WWTR1: variants seen among roughly 807,000 people sequenced by gnomAD.
WWTR1 encodes WW domain containing transcription regulator 1, also known as WW domain-containing transcription regulator protein 1.
WWTR1 carries 13 observed loss-of-function variants against 40.1 expected under a neutral mutation model. The ratio of observed to expected loss-of-function variants is 0.32; its 90% CI spans 0.21 to 0.52. The LOEUF (loss-of-function observed/expected upper bound fraction) is 0.52. WWTR1 is among the 20% of genes least tolerant of loss of function. WWTR1 has a pLI of 0.97. For synonymous variants in WWTR1, 230 were observed against 210.1 expected, an observed-to-expected ratio of 1.09 and a Z score of -0.82; for missense variants, 436 against 523.1, an observed-to-expected ratio of 0.83 and a Z score of 1.63.
At chr3:149,680,755 T>C (rs756837303) in intron 1 of WWTR1, among the ~76,000 whole-genome samples, 3 of 152,052 alleles carry the variant, frequency 2.0e-5, no homozygotes, top group African/African-American at 2.4e-5. Context: ...GGTAGGAGGA[T>C]TGCTTGAGCC....
intron 1 of WWTR1, among the ~76,000 whole-genome samples, chr3:149,695,173 G>C (rs1304259633): frequency 1.3e-5 from 2 of 152,130 alleles, no homozygotes; most frequent in Non-Finnish European, 2.9e-5. Flanking sequence ...AGATAGTGAA[G>C]GTGGATGCAA....
intron 2 of WWTR1, among the ~76,000 whole-genome samples, chr3:149,628,310 C>T (rs369309176): frequency 6.6e-6 from 1 of 152,044 alleles, no homozygotes; most frequent in Non-Finnish European, 1.5e-5. Flanking sequence ...GCAGAGCTTG[C>T]GGTGGCCGAG....
At chr3:149,640,535 C>T (rs1399929448) in intron 2 of WWTR1, among the ~76,000 whole-genome samples, 2 of 152,150 alleles carry the variant, frequency 1.3e-5, no homozygotes, top group Non-Finnish European at 2.9e-5. Context: ...AATCTCCTGC[C>T]TCAGCCTCCT....
intron 2 of WWTR1, among the ~76,000 whole-genome samples, chr3:149,650,403 C>A (rs1467778860): frequency 2.0e-5 from 3 of 152,186 alleles, no homozygotes; most frequent in Non-Finnish European, 4.4e-5. Context: ...TTTAACCTCA[C>A]TGAGCCTCAG....
At chr3:149,558,925 G>A (rs62269314) in intron 3 of WWTR1, among the ~76,000 whole-genome samples, 59,468 of 151,786 alleles carry the variant, frequency 0.39, 12,115 homozygotes, top group South Asian at 0.5. Context: ...AAGACATTTC[G>A]AATCTGGGCT....
At chr3:149,721,283 CAG>C (rs1715751119) in intron 4 of WWTR1, among the ~76,000 whole-genome samples, 2 of 151,592 alleles carry the variant, frequency 1.3e-5, no homozygotes, top group African/African-American at 2.4e-5. Context: ...TCCTTCTATT[CAG>C]AGTTTACTGA....
chr3:149,683,279 T>C (rs1219090626), intron 1 of WWTR1, among the ~76,000 whole-genome samples: 3 of 152,192 alleles, frequency 2.0e-5, no homozygotes, highest in Non-Finnish European at 4.4e-5. Flanking sequence ...TATTGAGGAA[T>C]GATATTAATG....
In WWTR1 at chr3:149,657,151, G is replaced by T; in HGVS notation, c.156C>A (p.Phe52Leu). The T allele has an allele frequency of 6.2e-7, 1 of 1,604,588 alleles. No homozygotes were observed. ...GCGAGCCCGAATCAGGCTCCTTAAA[G>T]AAAGACTCCGGCAGGATCTTCTTCC... ...SWRKKILPES[F>L]FKEPDSGSHS... The change falls in exon 2 of 7, where the codon TTC becomes TTA. Residue 52 changes from phenylalanine (F) to leucine (L), a missense_variant. By Grantham distance (22) the Phe-to-Leu change is conservative. Transcript: ENST00000360632.
intron 5 of WWTR1, among the ~76,000 whole-genome samples, chr3:149,716,161 T>A (rs1014640933): frequency 1.3e-5 from 2 of 152,072 alleles, no homozygotes; most frequent in African/African-American, 4.8e-5. Context: ...GATGGGTGGA[T>A]CACTTGAGGG....
intron 2 of WWTR1, among the ~76,000 whole-genome samples, chr3:149,622,450 AAAGGAAGGAAGGAAGG>A (rs1217598530): frequency 3.4e-4 from 34 of 98,606 alleles, no homozygotes; most frequent in African/African-American, 1.1e-3. Flanking sequence ...AGAAAGAAAG[AAAGGAAGGAAGGAAGG>A]AAGGAAGGAA....
rs535921756 is a variant in WWTR1 at position 149,579,339 on chromosome 3, G to A, written c.432-6339C>T. 2.7e-3 allele frequency among the ~76,000 whole-genome samples: 417 copies of A among 152,268 alleles called. 3 individuals carry two copies. The highest frequency in any genetic ancestry group is 0.024 in the Middle Eastern group (7 of 294). Reference sequence around the variant, plus strand: ...AGCAGTTAAAGAGAACCACACCAATGAGATGAGAATTTAAAGACAGCCTGG... The same window carrying A: ...AGCAGTTAAAGAGAACCACACCAATAAGATGAGAATTTAAAGACAGCCTGG... On this transcript the variant is annotated intron_variant, in intron 2 of 6. Transcript: ENST00000360632.
At chr3:149,661,835 C>T (rs1713592925), upstream of WWTR1, among the ~76,000 whole-genome samples, 1 of 149,274 alleles carries the variant, frequency 6.7e-6, no homozygotes, top group Non-Finnish European at 1.5e-5. Context: ...CGGGTTCAAG[C>T]GATTCTCCTG....
At position 149,572,995 on chromosome 3, in the gene WWTR1, A is replaced by G. The variant is rs777145948; in HGVS notation, c.437T>C (p.Ile146Thr). 19 of 1,586,112 alleles carry G rather than the reference A, an allele frequency of 1.2e-5. No individual in the cohort carries two copies. The highest frequency in any genetic ancestry group is 1.4e-5 in the African/African-American group (1 of 72,824). Residue 146 changes from isoleucine (I) to threonine (T), a missense_variant, in exon 3 of 7, where the codon ATA (isoleucine) becomes ACA (threonine). Ile to Thr is a moderately conservative substitution (Grantham distance 89). Coordinates refer to ENST00000360632, the MANE Select transcript of WWTR1 (RefSeq NM_015472.6). The part of the protein sequence containing the change: ...ATGQRYFLNH[I>T]EKITTWQDPR... ...GTCTTGCCATGTGGTGATTTTTTCT[A>G]TGTGACTAAAAGAAGGAAAACAATT...
At chr3:149,572,802 G>C (rs185377680) in intron 3 of WWTR1, 62 bp downstream of exon 3, 3 of 1,570,694 alleles carry the variant, frequency 1.9e-6, no homozygotes, top group East Asian at 4.7e-5. Flanking sequence ...GGCAACAAAG[G>C]GAGACCCCAA....
intron 2 of WWTR1, among the ~76,000 whole-genome samples, chr3:149,575,850 T>A (rs1158943549): frequency 6.6e-6 from 1 of 152,034 alleles, no homozygotes; most frequent in Non-Finnish European, 1.5e-5. Flanking sequence ...TGGGACAGAG[T>A]GTGGGGCCTT....
chr3:149,680,389 C>A (rs1714416646), intron 1 of WWTR1, among the ~76,000 whole-genome samples: 1 of 152,040 alleles, frequency 6.6e-6, no homozygotes, highest in South Asian at 2.1e-4. Flanking sequence ...ACTCAAAATA[C>A]AAAAATTAGC....
intron 2 of WWTR1, among the ~76,000 whole-genome samples, chr3:149,594,509 T>C (rs1738883829): frequency 6.6e-6 from 1 of 152,252 alleles, no homozygotes; most frequent in Non-Finnish European, 1.5e-5. Context: ...TCATTTATGC[T>C]GTATTTTTGT....
At chr3:149,640,931 G>T (rs1712136488) in intron 2 of WWTR1, among the ~76,000 whole-genome samples, 1 of 152,048 alleles carries the variant, frequency 6.6e-6, no homozygotes. Context: ...CCTAGATCTG[G>T]ACATATTCAG....
intron 2 of WWTR1, among the ~76,000 whole-genome samples, chr3:149,622,502 G>GAAGAAAGAAAGAAAGAAAGAAAAGA (rs1740344831): frequency 2.2e-5 from 1 of 46,298 alleles, no homozygotes; most frequent in African/African-American, 8.0e-5. Context: ...AGGAAGGAAG[G>GAAGAAAGAAAGAAAGAAAGAAAAGA]AAGAAAGAAA....
Sources: allele counts gnomAD v4.1 joint callset (sites outside exome capture counted in the v4.1 genomes callset), GRCh38; gene constraint gnomAD v4.1.1; transcripts MANE v1.5; gene names NCBI Gene and HGNC (gene_info 2026-07-23, HGNC 2026-07-21).